The following TTC3 variants were observed in gnomAD, a reference collection of about 807,000 sequenced individuals.
TTC3 encodes tetratricopeptide repeat domain 3.
A neutral mutation model predicts 249.6 loss-of-function variants in TTC3; 180 were observed. The ratio of observed to expected loss-of-function variants is 0.72; its 90% CI spans 0.64 to 0.82. TTC3 has a LOEUF of 0.82. Among genes scored for constraint, TTC3 ranks in the 40% least tolerant of loss-of-function variants. TTC3 has a pLI of 0.00. For missense variants in TTC3, 2,061 were observed against 2,398.4 expected, an observed-to-expected ratio of 0.86 and a Z score of 2.94; for synonymous variants, 717 against 805.0, an observed-to-expected ratio of 0.89 and a Z score of 1.85.
At chr21:37,168,074 C>G (rs569496183) in intron 34 of TTC3, among the ~76,000 whole-genome samples, 4 of 151,898 alleles carry the variant, frequency 2.6e-5, no homozygotes, top group Non-Finnish European at 5.9e-5. Context: ...TAATTTAGTT[C>G]GTTAATATGC....
intron 41 of TTC3, chr21:37,194,907 G>A (rs1182289101): frequency 1.3e-5 from 2 of 152,288 alleles, no homozygotes; most frequent in Non-Finnish European, 1.5e-5. Flanking sequence ...GATGGGGCAT[G>A]GCAGTGGGGG....
rs79976710 is a variant in TTC3, at chr21:37,140,844, C to T, written c.1772+171C>T. ...TCACTATCAGTATTAATTGTTAAAG[C>T]AAGGCCAGTCATTGCAGTTCTTGGT... is the stretch of plus-strand genomic sequence containing the variant. On this transcript the variant is annotated intron_variant, in intron 20 of 45. Coordinates refer to ENST00000355666, the Ensembl canonical transcript of TTC3. Among the ~76,000 whole-genome samples the T allele has an allele frequency of 9.9e-5, 15 of 152,246 alleles. No homozygotes were observed. The East Asian group carries it at 2.9e-3, about 29-fold the overall frequency.
chr21:37,147,126 T>G (rs549047370), intron 21 of TTC3, among the ~76,000 whole-genome samples: 1 of 152,300 alleles, frequency 6.6e-6, no homozygotes, highest in Admixed American at 6.5e-5. Context: ...TCCTCAGGAT[T>G]ACCCTAAGGG....
exon 40 of TTC3, chr21:37,191,346 A>G: frequency 6.3e-7 from 1 of 1,582,868 alleles, no homozygotes; most frequent in South Asian, 1.2e-5. Flanking sequence ...ATCCTGCAGC[A>G]TATCCTGACA....
chr21:37,114,365 G>T (rs1160071223), intron 11 of TTC3, among the ~76,000 whole-genome samples: 1 of 152,138 alleles, frequency 6.6e-6, no homozygotes, highest in African/African-American at 2.4e-5. Flanking sequence ...CCATCAAAAA[G>T]TGGGCGAAGG....
chr21:37,188,048 CAG>C (rs943829048), intron 38 of TTC3: 7 of 146,296 alleles, frequency 4.8e-5, no homozygotes, highest in Non-Finnish European at 8.9e-5. Context: ...GGGGAAGCCA[CAG>C]AGAGTCTAAA....
chr21:37,187,059 A>G (rs762451058), exon 38 of TTC3: 1 of 1,541,776 alleles, frequency 6.5e-7, no homozygotes. Context: ...CAACACACTT[A>G]CAAATGAGAA....
exon 24 of TTC3, chr21:37,150,097 G>A (rs1437585596): frequency 1.2e-6 from 2 of 1,603,816 alleles, no homozygotes; most frequent in Non-Finnish European, 8.5e-7. Context: ...CAAGGAATAT[G>A]TCTTACCCCT....
At chr21:37,195,553 G>T in intron 41 of TTC3, 122 bp from the exon 42 acceptor site, 1 of 1,331,776 alleles carries the variant, frequency 7.5e-7, no homozygotes. Context: ...ATGGTATTCA[G>T]GTTTCCTGTG....
intron 35 of TTC3, among the ~76,000 whole-genome samples, chr21:37,180,697 A>C (rs1306856015): frequency 6.6e-6 from 1 of 151,014 alleles, no homozygotes; most frequent in East Asian, 1.9e-4. Context: ...CCAGCATGGC[A>C]CATGTATACA....
chr21:37,108,203 C>T (rs2075275430), intron 10 of TTC3, 189 bp from the exon 11 acceptor site: 2 of 490,608 alleles, frequency 4.1e-6, no homozygotes, highest in Non-Finnish European at 7.2e-6. Context: ...GTGACTTTTT[C>T]CCTTTGTTTT....
At chr21:37,073,693 G>A (rs570750934) in intron 1 of TTC3, among the ~76,000 whole-genome samples, 33 of 152,138 alleles carry the variant, frequency 2.2e-4, no homozygotes, top group African/African-American at 7.0e-4. Context: ...CCCGTGCCTC[G>A]GCCGGTGCGT....
At chr21:37,153,267 T>G in exon 27 of TTC3, 1 of 1,612,188 alleles carries the variant, frequency 6.2e-7, no homozygotes, top group Non-Finnish European at 8.5e-7. Context: ...TCCAAAAACT[T>G]AATAGCTTTG....
intron 2 of TTC3, 72 bp downstream of exon 2, chr21:37,087,473 T>G (rs1378795187): frequency 6.4e-7 from 1 of 1,559,196 alleles, no homozygotes; most frequent in Non-Finnish European, 8.7e-7. Context: ...GCTATCTGAG[T>G]AAAGATGTTT....
At chr21:37,099,364 C>CAGGTATAGGAAAT (rs2074253006) in intron 10 of TTC3, among the ~76,000 whole-genome samples, 1 of 152,130 alleles carries the variant, frequency 6.6e-6, no homozygotes, top group Non-Finnish European at 1.5e-5. Context: ...GATGATGAAA[C>CAGGTATAGGAAAT]AGGTATAGGG....
chr21:37,195,583 G>T, intron 41 of TTC3, 92 bp from the exon 42 acceptor site: 1 of 1,500,704 alleles, frequency 6.7e-7, no homozygotes, highest in Non-Finnish European at 8.9e-7. Context: ...TCTGCGCTGC[G>T]TTACTGTATT....
chr21:37,138,659 A>T (rs754483604), exon 19 of TTC3: 3 of 1,612,290 alleles, frequency 1.9e-6, no homozygotes, highest in African/African-American at 2.7e-5. Context: ...ATGATTAACT[A>T]TGTTTTGGTC....
At chr21:37,095,278 T>C in intron 8 of TTC3, 72 bp from the exon 9 acceptor site, 3 of 935,512 alleles carry the variant, frequency 3.2e-6, no homozygotes, top group Non-Finnish European at 5.0e-6. Flanking sequence ...CCAGATCCAT[T>C]TTTACTAGGT....
At chr21:37,190,592 C>T (rs1241590729) in intron 39 of TTC3, among the ~76,000 whole-genome samples, 2 of 152,170 alleles carry the variant, frequency 1.3e-5, no homozygotes, top group African/African-American at 4.8e-5. Context: ...CATTGTGGCT[C>T]ATCTGGGAAA....
Sources: allele counts gnomAD v4.1 joint callset (sites outside exome capture counted in the v4.1 genomes callset), GRCh38; gene constraint gnomAD v4.1.1; transcripts MANE v1.5; gene names NCBI Gene and HGNC (gene_info 2026-07-23, HGNC 2026-07-21).